CFAP95: variants seen among roughly 807,000 people sequenced by gnomAD.
The protein encoded by CFAP95 is cilia and flagella associated protein 95.
the CFAP95 span, among the ~76,000 whole-genome samples, chr9:69,856,942 G>T: frequency 1.8e-5 from 2 of 110,394 alleles, no homozygotes; most frequent in African/African-American, 3.3e-5. Flanking sequence ...TTTTTTTCTG[G>T]CCCAAGGTTC....
the CFAP95 span, among the ~76,000 whole-genome samples, chr9:69,874,495 G>A: frequency 6.6e-6 from 1 of 151,944 alleles, no homozygotes; most frequent in Non-Finnish European, 1.5e-5. Flanking sequence ...AAATTTTCTT[G>A]GGCAAAAAGG....
At chr9:69,858,312 C>T in the CFAP95 span, 2 of 309,314 alleles carry the variant, frequency 6.5e-6, no homozygotes, top group African/African-American at 2.2e-5. Flanking sequence ...AGGGAAGGCA[C>T]CAGATGTGTA....
chr9:69,883,805 A>C, the CFAP95 span, among the ~76,000 whole-genome samples: 1 of 135,080 alleles, frequency 7.4e-6, no homozygotes, highest in Admixed American at 8.1e-5. Flanking sequence ...AAGGTTTGTC[A>C]ATTTTGTTTA....
chr9:69,844,750 C>T, the CFAP95 span: 1 of 611,878 alleles, frequency 1.6e-6, no homozygotes, highest in Non-Finnish European at 2.7e-6. Context: ...ACTTAGATGA[C>T]TTAGTCACTG....
chr9:69,828,785 G>C, the CFAP95 span, among the ~76,000 whole-genome samples: 13 of 152,290 alleles, frequency 8.5e-5, no homozygotes, highest in Admixed American at 8.5e-4. Context: ...TTACTGGATG[G>C]TGCATTTATG....
chr9:69,860,721 T>C, the CFAP95 span, among the ~76,000 whole-genome samples: 2 of 152,122 alleles, frequency 1.3e-5, no homozygotes, highest in African/African-American at 4.8e-5. Flanking sequence ...GTAAGCTTTT[T>C]ATTATTAAAC....
At chr9:69,840,093 A>T in the CFAP95 span, among the ~76,000 whole-genome samples, 2 of 150,268 alleles carry the variant, frequency 1.3e-5, no homozygotes, top group Non-Finnish European at 3.0e-5. Context: ...AAAAAAAAAG[A>T]TTGATCATTT....
the CFAP95 span, among the ~76,000 whole-genome samples, chr9:69,896,226 G>T: frequency 3.9e-4 from 60 of 152,208 alleles, no homozygotes; most frequent in Admixed American, 2.6e-3. Flanking sequence ...AAGAAAAATC[G>T]TATTTGTGTT....
chr9:69,862,483 G>A, the CFAP95 span, among the ~76,000 whole-genome samples: 1 of 152,152 alleles, frequency 6.6e-6, no homozygotes, highest in Admixed American at 6.5e-5. Context: ...ATGCTGTGGT[G>A]TTTTAGAATC....
the CFAP95 span, among the ~76,000 whole-genome samples, chr9:69,828,343 T>TA: frequency 6.6e-6 from 1 of 152,106 alleles, no homozygotes; most frequent in South Asian, 2.1e-4. Context: ...ATCTCAAGTA[T>TA]AAAAAAACAG....
At chr9:69,832,137 C>T in the CFAP95 span, among the ~76,000 whole-genome samples, 1 of 152,090 alleles carries the variant, frequency 6.6e-6, no homozygotes, top group South Asian at 2.1e-4. Flanking sequence ...GAACCCCGAG[C>T]TTTCAGAGAT....
the CFAP95 span, chr9:69,844,613 C>T: frequency 1.5e-4 from 243 of 1,609,556 alleles, 1 homozygote; most frequent in Middle Eastern, 3.6e-3. Flanking sequence ...GACTGGGAAC[C>T]GATGAATCCC....
chr9:69,900,415 G>C, the CFAP95 span, among the ~76,000 whole-genome samples: 1 of 152,174 alleles, frequency 6.6e-6, no homozygotes, highest in African/African-American at 2.4e-5. Flanking sequence ...TTTACGTGTG[G>C]TATTTTCTGC....
the CFAP95 span, among the ~76,000 whole-genome samples, chr9:69,829,077 C>G: frequency 6.6e-6 from 1 of 152,232 alleles, no homozygotes; most frequent in East Asian, 1.9e-4. Context: ...TATTCACATT[C>G]ATTTGGTTTA....
chr9:69,836,395 C>T, the CFAP95 span, among the ~76,000 whole-genome samples: 463 of 152,216 alleles, frequency 3.0e-3, 2 homozygotes, highest in African/African-American at 0.01. Flanking sequence ...GTCCTCTACC[C>T]GCTAGACACT....
the CFAP95 span, among the ~76,000 whole-genome samples, chr9:69,854,524 G>A: frequency 6.6e-6 from 1 of 152,170 alleles, no homozygotes; most frequent in East Asian, 1.9e-4. Context: ...ATTTGCCTGG[G>A]CATTATTTAA....
the CFAP95 span, among the ~76,000 whole-genome samples, chr9:69,828,715 A>G: frequency 1.2e-4 from 18 of 152,138 alleles, no homozygotes; most frequent in Admixed American, 9.2e-4. Flanking sequence ...AATAAAATAA[A>G]TGAGTCTATA....
At chr9:69,906,186 A>C in the CFAP95 span, 1 of 1,419,788 alleles carries the variant, frequency 7.0e-7, no homozygotes, top group Non-Finnish European at 9.5e-7. Flanking sequence ...TGGATGTAGC[A>C]GTTGATGATT....
chr9:69,889,126 G>T, the CFAP95 span, among the ~76,000 whole-genome samples: 1 of 152,086 alleles, frequency 6.6e-6, no homozygotes, highest in Admixed American at 6.5e-5. Flanking sequence ...AGCTGCTTTT[G>T]CTCCTTCTTG....
Sources: allele counts gnomAD v4.1 joint callset (sites outside exome capture counted in the v4.1 genomes callset), GRCh38; gene constraint gnomAD v4.1.1; transcripts MANE v1.5; gene names NCBI Gene and HGNC (gene_info 2026-07-23, HGNC 2026-07-21).